Variants in CHIC2 observed in about 807,000 individuals in gnomAD.
CHIC2 encodes the protein cysteine rich hydrophobic domain 2.
Under a neutral mutation model 25.9 loss-of-function variants are expected in CHIC2, and 14 were observed. That is an observed-to-expected ratio of 0.54 (90% confidence interval 0.36 to 0.85). The LOEUF is 0.85. Among genes scored for constraint, CHIC2 ranks in the 40% least tolerant of loss-of-function variants. CHIC2 has a pLI of 0.01. For synonymous variants in CHIC2, 70 were observed against 72.0 expected, an observed-to-expected ratio of 0.97 and a Z score of 0.14; for missense variants, 146 against 202.0, an observed-to-expected ratio of 0.72 and a Z score of 1.68.
chr4:54,064,146 C>A lies in CHIC2; in HGVS notation c.119+36G>T. Reference sequence around the variant, plus strand: ...GTGGAGTAACGGGGCCCACCCCAGCCCGCACCTCCCGCCCTCGCCCTCCTC... The same window carrying A: ...GTGGAGTAACGGGGCCCACCCCAGCACGCACCTCCCGCCCTCGCCCTCCTC... On this transcript the variant is annotated intron_variant, in intron 1 of 5. Coordinates refer to ENST00000263921, the MANE Select transcript of CHIC2 (RefSeq NM_012110.4). This position sits in a 1 kb window ranked among gnomAD's most constrained non-coding sequence, Gnocchi z 4.2. 6.4e-7 allele frequency: 1 copy of A among 1,565,626 alleles called. No individual in the cohort carries two copies.
intron 3 of CHIC2, among the ~76,000 whole-genome samples, chr4:54,033,321 T>C (rs1208182568): frequency 6.6e-6 from 1 of 152,192 alleles, no homozygotes; most frequent in East Asian, 1.9e-4. Flanking sequence ...TCTGAAAAAA[T>C]GCTAATTTTT....
chr4:54,032,295 A>ACGGTCTCCCTCTGATGCCGAG (rs1368546931), intron 3 of CHIC2, among the ~76,000 whole-genome samples: 1 of 86,694 alleles, frequency 1.2e-5, no homozygotes, highest in Non-Finnish European at 2.1e-5. Flanking sequence ...CTCTCCCTCT[A>ACGGTCTCCCTCTGATGCCGAG]CGGTCTCCCT....
intron 3 of CHIC2, among the ~76,000 whole-genome samples, chr4:54,040,263 A>G (rs1716523125): frequency 6.6e-6 from 1 of 152,208 alleles, no homozygotes; most frequent in South Asian, 2.1e-4. Flanking sequence ...AAGGTCTAAA[A>G]AATAATCAAA....
chr4:54,086,846 G>T, the CHIC2 span: 10 of 525,506 alleles, frequency 1.9e-5, no homozygotes, highest in East Asian at 3.9e-4. Context: ...CATCCTGCAA[G>T]ATCTATAAGA....
At chr4:54,079,053 C>T in the CHIC2 span, among the ~76,000 whole-genome samples, 1 of 151,682 alleles carries the variant, frequency 6.6e-6, no homozygotes, top group East Asian at 2.0e-4. Flanking sequence ...CCCGCCTCTA[C>T]TAAAAATATA....
chr4:54,075,290 T>C, the CHIC2 span, among the ~76,000 whole-genome samples: 1 of 152,220 alleles, frequency 6.6e-6, no homozygotes, highest in Non-Finnish European at 1.5e-5. Flanking sequence ...CAATGTGTCC[T>C]TTGAAGCTAT....
chr4:54,064,103 AGG>A lies in CHIC2; in HGVS notation c.119+77_119+78del, dbSNP rs950809129. On this transcript the variant is annotated intron_variant, in intron 1 of 5. Transcript: ENST00000263921. The surrounding 1 kb of genome is among the most constrained non-coding windows in gnomAD (Gnocchi z 4.2). ...AAGGCCCCCGACACCAGACGGACACAGGGGAAACGGGGCTCCCGTGGAGTAAC... is the reference window on the plus strand; with the variant it reads ...AAGGCCCCCGACACCAGACGGACACAGGAAACGGGGCTCCCGTGGAGTAAC... The A allele has an allele frequency of 4.0e-6, 2 of 499,286 alleles. No homozygotes were observed. The highest frequency in any genetic ancestry group is 5.7e-6 in the Non-Finnish European group (2 of 351,008). The allele number at this position is 499,286 out of a possible 1,614,324, so 30.9% of individuals were successfully genotyped here. A position where few individuals can be genotyped will look rare whatever the true frequency, so the allele number is the denominator to read the frequency against.
the CHIC2 span, among the ~76,000 whole-genome samples, chr4:54,077,620 C>T: frequency 1.3e-5 from 2 of 152,088 alleles, no homozygotes; most frequent in Non-Finnish European, 2.9e-5. Flanking sequence ...TGAGCATAGT[C>T]ACTAGCCTGT....
At chr4:54,080,981 T>A in the CHIC2 span, among the ~76,000 whole-genome samples, 1 of 113,174 alleles carries the variant, frequency 8.8e-6, no homozygotes, top group Non-Finnish European at 1.8e-5. Context: ...TATATATATA[T>A]ATATAAAATC....
chr4:54,084,983 C>CAAAAAAAAAAAAAAAAAAAAA, the CHIC2 span, among the ~76,000 whole-genome samples: 116 of 106,686 alleles, frequency 1.1e-3, no homozygotes, highest in Non-Finnish European at 1.5e-3. Context: ...AAAAAAAAAT[C>CAAAAAAAAAAAAAAAAAAAAA]AAACAGGTAG....
At chr4:54,091,289 G>C in the CHIC2 span, among the ~76,000 whole-genome samples, 1 of 152,122 alleles carries the variant, frequency 6.6e-6, no homozygotes, top group Non-Finnish European at 1.5e-5. Flanking sequence ...CAGCAGAGCG[G>C]GTCTGCGCGG....
intron 3 of CHIC2, among the ~76,000 whole-genome samples, chr4:54,017,003 A>G (rs985558680): frequency 3.3e-5 from 5 of 152,208 alleles, no homozygotes; most frequent in Admixed American, 2.0e-4. Context: ...TAAATACAAT[A>G]CCAATTTGGC....
chr4:54,083,212 A>G, the CHIC2 span, among the ~76,000 whole-genome samples: 1 of 151,276 alleles, frequency 6.6e-6, no homozygotes, highest in Admixed American at 6.6e-5. Context: ...ACGGGGTTTC[A>G]CTATGTTGGT....
intron 1 of CHIC2, among the ~76,000 whole-genome samples, chr4:54,051,976 T>C (rs1316042889): frequency 1.3e-5 from 2 of 152,208 alleles, no homozygotes; most frequent in South Asian, 2.1e-4. Context: ...ACTGTTCTCA[T>C]CAGAGTAGTT....
At chr4:54,013,772 T>C (rs1043481163) in intron 5 of CHIC2, 65 bp downstream of exon 5, 30 of 1,508,702 alleles carry the variant, frequency 2.0e-5, no homozygotes, top group Non-Finnish European at 2.7e-5. Context: ...ATGGAAAGAA[T>C]AAGATCAGAA....
rs1716929070 is a variant in CHIC2, at chr4:54,049,231, T to C, written c.174+20A>G. On this transcript the variant is annotated intron_variant, in intron 2 of 5. Transcript: ENST00000263921. ...CTTTCATTTTGAGGCATACAAATAG[T>C]ACATAAATGAGACACTCACTTTTCC... 1 of 1,594,700 alleles carries C rather than the reference T, an allele frequency of 6.3e-7. No homozygotes were observed. The highest frequency in any genetic ancestry group is 8.6e-7 in the Non-Finnish European group (1 of 1,167,102).
At chr4:54,019,255 T>C (rs1560381987) in intron 3 of CHIC2, among the ~76,000 whole-genome samples, 1 of 151,246 alleles carries the variant, frequency 6.6e-6, no homozygotes, top group South Asian at 2.1e-4. Flanking sequence ...AAAAAAAAAC[T>C]AGAATATGAT....
At chr4:54,071,704 A>G in the CHIC2 span, among the ~76,000 whole-genome samples, 27 of 152,208 alleles carry the variant, frequency 1.8e-4, no homozygotes, top group Non-Finnish European at 2.8e-4. Context: ...GTCAAGCACA[A>G]TGGCTCACGC....
At position 54,064,117 on chromosome 4, in the gene CHIC2, TC is replaced by T; in HGVS notation, c.119+64del. ...CAGACGGACACAGGGGAAACGGGGC[TC>T]CCGTGGAGTAACGGGGCCCACCCCA... On this transcript the variant is annotated intron_variant, in intron 1 of 5. Transcript: ENST00000263921. The surrounding 1 kb of genome is among the most constrained non-coding windows in gnomAD (Gnocchi z 4.2). The T allele has an allele frequency of 7.1e-7, 1 of 1,399,056 alleles. No individual in the cohort carries two copies. The highest frequency in any genetic ancestry group is 1.2e-5 in the South Asian group (1 of 81,178). The allele number at this position is 1,399,056 out of a possible 1,614,324, so 86.7% of individuals were successfully genotyped here. A position where few individuals can be genotyped will look rare whatever the true frequency, so the allele number is the denominator to read the frequency against.
Sources: allele counts gnomAD v4.1 joint callset (sites outside exome capture counted in the v4.1 genomes callset), GRCh38; gene constraint gnomAD v4.1.1; non-coding constraint Gnocchi (gnomAD v3.1); transcripts MANE v1.5; gene names NCBI Gene and HGNC (gene_info 2026-07-23, HGNC 2026-07-21).